CCDC18: variants seen among roughly 807,000 people sequenced by gnomAD.
CCDC18 encodes the protein coiled-coil domain-containing protein 18.
A neutral mutation model predicts 196.0 loss-of-function variants in CCDC18; 157 were observed. The observed-to-expected ratio is 0.80, with a 90% CI of 0.70 to 0.91. The LOEUF (loss-of-function observed/expected upper bound fraction) is 0.91. CCDC18 is among the 40% of genes least tolerant of loss of function. The pLI is 0.00. For missense variants in CCDC18, 1,465 were observed against 1,611.6 expected (o/e 0.91, Z 1.56); for synonymous variants, 482 against 529.2 (o/e 0.91, Z 1.22).
chr1:93,190,858 A>T, intron 4 of CCDC18: 1 of 727,258 alleles, frequency 1.4e-6, no homozygotes, highest in South Asian at 1.4e-5. Context: ...CTCAAGCCTT[A>T]GCACAATCTT....
chr1:93,218,420 C>T (rs919936016), intron 14 of CCDC18, among the ~76,000 whole-genome samples: 1 of 152,024 alleles, frequency 6.6e-6, no homozygotes, highest in African/African-American at 2.4e-5. Context: ...CTAATAAAAT[C>T]GACCAATTGT....
chr1:93,224,158 C>G (rs1450436254), intron 16 of CCDC18, among the ~76,000 whole-genome samples: 1 of 152,186 alleles, frequency 6.6e-6, no homozygotes, highest in Non-Finnish European at 1.5e-5. Context: ...GATTCACTCT[C>G]TGTTAAACTC....
intron 27 of CCDC18, among the ~76,000 whole-genome samples, chr1:93,270,006 C>T (rs1181816234): frequency 6.6e-6 from 1 of 152,054 alleles, no homozygotes; most frequent in Admixed American, 6.6e-5. Context: ...CAAAAGATAG[C>T]GTACCTCTAC....
At chr1:93,271,449 T>C (rs1665251272) in intron 28 of CCDC18, 2 of 985,268 alleles carry the variant, frequency 2.0e-6, no homozygotes, top group African/African-American at 1.7e-5. Flanking sequence ...TTTAATATGC[T>C]TGCCTGTTTT....
intron 17 of CCDC18, among the ~76,000 whole-genome samples, chr1:93,230,645 A>T (rs1659101346): frequency 6.6e-6 from 1 of 151,246 alleles, no homozygotes; most frequent in Admixed American, 6.6e-5. Context: ...GTCAGTGACT[A>T]GATTACTGAA....
chr1:93,237,859 A>C (rs1004133276), intron 19 of CCDC18, among the ~76,000 whole-genome samples: 3 of 152,170 alleles, frequency 2.0e-5, no homozygotes, highest in African/African-American at 7.2e-5. Context: ...AACATACCTC[A>C]GCCACTTACT....
In CCDC18 at chr1:93,217,753, A is replaced by G. The variant is rs553466789; in HGVS notation, c.1846A>G (p.Ile616Val). 3.1e-6 allele frequency: 5 copies of G among 1,603,604 alleles called. No individual in the cohort carries two copies. The East Asian group carries it at 8.9e-5, about 29-fold the overall frequency. The change falls in exon 14 of 29, where the codon ATA (isoleucine) becomes GTA (valine). Residue 616 changes from isoleucine (I) to valine (V), a missense_variant. Coordinates refer to ENST00000690025, the MANE Select transcript of CCDC18 (RefSeq NM_001378204.1). ...EQELMEKNEKIRSLETNINTE... is the reference protein window; with the variant it reads ...EQELMEKNEKVRSLETNINTE... ...GTGTTTCTAGGAAAAGAATGAAAAG[A>G]TAAGGAGTCTAGAAACCAATATTAA...
intron 28 of CCDC18, among the ~76,000 whole-genome samples, chr1:93,278,065 C>T (rs1040518479): frequency 7.2e-5 from 11 of 152,076 alleles, no homozygotes; most frequent in African/African-American, 2.7e-4. Flanking sequence ...CGGCTCCCTG[C>T]AACCTCCCCC....
At chr1:93,195,140 G>A (rs994838933) in intron 6 of CCDC18, among the ~76,000 whole-genome samples, 1 of 152,168 alleles carries the variant, frequency 6.6e-6, no homozygotes, top group African/African-American at 2.4e-5. Flanking sequence ...CAAAGTGCTG[G>A]AATTACAGGC....
chr1:93,236,481 C>A, intron 19 of CCDC18, 91 bp downstream of exon 19: 3 of 1,240,736 alleles, frequency 2.4e-6, no homozygotes, highest in Non-Finnish European at 3.3e-6. Context: ...GGAGCATTTG[C>A]TTGAGGAATT....
At chr1:93,180,374 G>C, upstream of CCDC18, 2 of 1,287,278 alleles carry the variant, frequency 1.6e-6, no homozygotes, top group South Asian at 1.4e-5. Context: ...CGGCCGCGGC[G>C]GCGGCGAACA....
chr1:93,252,019 G>GTCTGTCTATCTATCTATCTA (rs1553183376), intron 23 of CCDC18, among the ~76,000 whole-genome samples: 3 of 150,250 alleles, frequency 2.0e-5, no homozygotes, highest in African/African-American at 7.4e-5. Context: ...CTATCTGTCT[G>GTCTGTCTATCTATCTATCTA]TCTATCTATC....
chr1:93,237,005 A>G (rs1030537405), intron 19 of CCDC18, among the ~76,000 whole-genome samples: 4 of 152,294 alleles, frequency 2.6e-5, no homozygotes, highest in Admixed American at 2.6e-4. Flanking sequence ...GATCTCTTCT[A>G]CTTTGTTGGG....
At chr1:93,216,070 A>G (rs1656431515) in intron 12 of CCDC18, among the ~76,000 whole-genome samples, 1 of 152,276 alleles carries the variant, frequency 6.6e-6, no homozygotes, top group Non-Finnish European at 1.5e-5. Flanking sequence ...GAGGAAAAAG[A>G]ACTATAAGAT....
chr1:93,240,225 G>A (rs905121059), intron 21 of CCDC18, among the ~76,000 whole-genome samples: 4 of 152,142 alleles, frequency 2.6e-5, no homozygotes, highest in South Asian at 2.1e-4. Context: ...CTAGGACTAC[G>A]CCAGGGACTT....
chr1:93,242,696 A>G (rs187296848), intron 21 of CCDC18, among the ~76,000 whole-genome samples: 1 of 152,338 alleles, frequency 6.6e-6, no homozygotes, highest in Admixed American at 6.5e-5. Flanking sequence ...AAAGCAAGTT[A>G]GTTACTTCCT....
intron 14 of CCDC18, among the ~76,000 whole-genome samples, chr1:93,219,433 C>G (rs1282184289): frequency 1.3e-5 from 2 of 152,138 alleles, no homozygotes; most frequent in Non-Finnish European, 2.9e-5. Flanking sequence ...CAGATAGCAT[C>G]ACTACTCTTT....
At chr1:93,221,790 TTA>T (rs1657470163) in intron 15 of CCDC18, 47 bp downstream of exon 15, 2 of 1,592,904 alleles carry the variant, frequency 1.3e-6, no homozygotes, top group Admixed American at 1.8e-5. Flanking sequence ...GACTAATATT[TTA>T]TGTCTCTATA....
At chr1:93,251,781 G>A (rs1366263324) in intron 23 of CCDC18, among the ~76,000 whole-genome samples, 2 of 151,892 alleles carry the variant, frequency 1.3e-5, no homozygotes, top group African/African-American at 2.4e-5. Context: ...TCTGGTTAGC[G>A]ATCTTTGACC....
Sources: allele counts gnomAD v4.1 joint callset (sites outside exome capture counted in the v4.1 genomes callset), GRCh38; gene constraint gnomAD v4.1.1; transcripts MANE v1.5; gene names NCBI Gene and HGNC (gene_info 2026-07-23, HGNC 2026-07-21).